HPGDS: variants seen among roughly 807,000 people sequenced by gnomAD.
HPGDS encodes the protein hematopoietic prostaglandin D synthase, also known as GST class-sigma.
Under a neutral mutation model 23.1 loss-of-function variants are expected in HPGDS, and 26 were observed. The ratio of observed to expected loss-of-function variants is 1.13; its 90% CI spans 0.83 to 1.56. HPGDS has a LOEUF of 1.56. Ranked by LOEUF, HPGDS falls within the 40% of genes most tolerant of loss-of-function variation. The pLI, the probability that HPGDS is intolerant of heterozygous loss-of-function variation, is 0.00. For synonymous variants in HPGDS, 95 were observed against 77.9 expected, an observed-to-expected ratio of 1.22 and a Z score of -1.16; for missense variants, 268 against 236.4, an observed-to-expected ratio of 1.13 and a Z score of -0.88.
chr4:94,332,901 A>T (rs1204780554), intron 2 of HPGDS, among the ~76,000 whole-genome samples: 1 of 152,214 alleles, frequency 6.6e-6, no homozygotes, highest in Non-Finnish European at 1.5e-5. Context: ...ATTGTGTGCT[A>T]TCATATCTAC....
Position 94,334,499 on chromosome 4 carries a change from G to C in HPGDS, c.131C>G (p.Ser44Ter), listed in dbSNP as rs745521201. 6.3e-7 allele frequency: 1 copy of C among 1,589,348 alleles called. No homozygotes were observed. Among genetic ancestry groups the C allele is most frequent in the Admixed American group, 1.8e-5 (1 of 55,534 alleles). ...CATTTATTATTTTTGCTACTTACTT[G>C]ATTTGATTTCAGGCCAGTCAGCTTG... ...IEQADWPEIK[S>*]TLPFGKIPIL... Residue 44 changes from serine to a stop codon, truncating the protein, a stop_gained and splice_region_variant, in exon 2 of 6, where the codon TCA becomes TGA. Transcript: ENST00000295256. LOFTEE classifies it high-confidence loss of function.
intron 2 of HPGDS, among the ~76,000 whole-genome samples, chr4:94,320,421 CTGT>C (rs1433409208): frequency 6.6e-6 from 1 of 152,134 alleles, no homozygotes; most frequent in Non-Finnish European, 1.5e-5. Flanking sequence ...TCTCCAGCAC[CTGT>C]TGTTTCCTGA....
intron 2 of HPGDS, among the ~76,000 whole-genome samples, chr4:94,333,344 C>T (rs1177981549): frequency 4.6e-5 from 7 of 152,180 alleles, no homozygotes; most frequent in African/African-American, 4.8e-5. Flanking sequence ...TACCAAGTGA[C>T]GTATGCAACT....
intron 1 of HPGDS, among the ~76,000 whole-genome samples, chr4:94,341,869 T>C (rs1207121525): frequency 6.6e-6 from 1 of 152,186 alleles, no homozygotes; most frequent in Non-Finnish European, 1.5e-5. Context: ...ACAGCAATCA[T>C]GTGAGATACT....
intron 3 of HPGDS, among the ~76,000 whole-genome samples, chr4:94,313,938 G>C (rs1756336724): frequency 6.6e-6 from 1 of 152,094 alleles, no homozygotes; most frequent in African/African-American, 2.4e-5. Context: ...ACCAGCTACT[G>C]AAGCTTGTGC....
chr4:94,334,534 G>T lies in HPGDS; in HGVS notation c.96C>A (p.His32Gln), dbSNP rs776767091. The change falls in exon 2 of 6, where the codon CAC becomes CAA. Residue 32 changes from histidine to glutamine, a missense_variant. Physicochemically the swap from His to Gln is conservative, Grantham distance 24. Coordinates refer to ENST00000295256, the MANE Select transcript of HPGDS (RefSeq NM_014485.3). Reference sequence around the variant, plus strand: ...CAGGCCAGTCAGCTTGTTCTATTCTGTGGTCTTCATACTGTATGTCCAAAT... The same window carrying T: ...CAGGCCAGTCAGCTTGTTCTATTCTTTGGTCTTCATACTGTATGTCCAAAT... Reference protein sequence around the residue: ...FAYLDIQYEDHRIEQADWPEI... With the variant: ...FAYLDIQYEDQRIEQADWPEI... The T allele has an allele frequency of 1.8e-5, 29 of 1,611,188 alleles. No homozygotes were observed. Among genetic ancestry groups the T allele is most frequent in the Non-Finnish European group, 9.3e-6 (11 of 1,178,868 alleles).
In HPGDS at chr4:94,302,044, C is replaced by G. The variant is rs553129624; in HGVS notation, c.435+102G>C. 6.6e-6 allele frequency: 4 copies of G among 609,194 alleles called. No individual in the cohort carries two copies. The Admixed American group carries it at 1.1e-4, about 16-fold the overall frequency. The allele number at this position is 609,194 out of a possible 1,614,324, so 37.7% of individuals were successfully genotyped here. ...TTAACCTTTGTTCTTGCTGTAAATT[C>G]TATCCCCTCCCTATAGGTAACTTTT... is the stretch of plus-strand genomic sequence containing the variant. On this transcript the variant is annotated intron_variant, in intron 5 of 5. Coordinates refer to ENST00000295256, the MANE Select transcript of HPGDS (RefSeq NM_014485.3).
chr4:94,313,967 G>T (rs192709929), intron 3 of HPGDS, among the ~76,000 whole-genome samples: 2,681 of 152,112 alleles, frequency 0.018, 82 homozygotes, highest in African/African-American at 0.062. Flanking sequence ...TGTAGTTCTC[G>T]TGCCATGGTT....
intron 1 of HPGDS, among the ~76,000 whole-genome samples, chr4:94,335,491 T>C (rs1720984466): frequency 6.6e-6 from 1 of 152,220 alleles, no homozygotes; most frequent in Non-Finnish European, 1.5e-5. Flanking sequence ...ATCAAACAAC[T>C]GAGAAAGAAA....
chr4:94,306,941 C>G (rs1756150806), intron 4 of HPGDS, among the ~76,000 whole-genome samples: 1 of 151,886 alleles, frequency 6.6e-6, no homozygotes. Flanking sequence ...ACGGAATCAC[C>G]AAGGAAACAG....
intron 4 of HPGDS, among the ~76,000 whole-genome samples, chr4:94,303,083 T>C (rs1756075203): frequency 6.6e-6 from 1 of 152,170 alleles, no homozygotes; most frequent in African/African-American, 2.4e-5. Flanking sequence ...TGATCTATAA[T>C]GAAATCCAAC....
chr4:94,309,591 C>G (rs545219616), intron 3 of HPGDS, among the ~76,000 whole-genome samples: 3 of 152,020 alleles, frequency 2.0e-5, no homozygotes, highest in Non-Finnish European at 4.4e-5. Context: ...AATAAACATA[C>G]GTGTGCATGT....
At chr4:94,323,970 C>T (rs1298132647) in intron 2 of HPGDS, among the ~76,000 whole-genome samples, 1 of 152,186 alleles carries the variant, frequency 6.6e-6, no homozygotes, top group African/African-American at 2.4e-5. Context: ...GACAAAATCT[C>T]TCAGCATTTG....
chr4:94,312,232 G>A (rs914078903), intron 3 of HPGDS, among the ~76,000 whole-genome samples: 2 of 152,136 alleles, frequency 1.3e-5, no homozygotes, highest in African/African-American at 4.8e-5. Flanking sequence ...TGTGATGTTA[G>A]GGTGTCGATT....
rs552442258 is a variant in HPGDS at position 94,311,020 on chromosome 4, C to T, written c.227-2277G>A. The stretch of plus-strand genomic sequence containing the variant: ...AGACTTTGCTGAAGTTGCTTATCAG[C>T]TTAAGGAGATTTTTGGCTGAGATGA... On this transcript the variant is annotated intron_variant, in intron 3 of 5. Coordinates refer to ENST00000295256, the MANE Select transcript of HPGDS (RefSeq NM_014485.3). Among the ~76,000 whole-genome samples the T allele has an allele frequency of 3.3e-5, 5 of 152,294 alleles. No homozygotes were observed. The South Asian group carries it at 1.0e-3, about 32-fold the overall frequency.
chr4:94,328,758 T>C (rs145239939), intron 2 of HPGDS, among the ~76,000 whole-genome samples: 1 of 152,324 alleles, frequency 6.6e-6, no homozygotes, highest in African/African-American at 2.4e-5. Context: ...TACTTTGCCA[T>C]GTGTATTGAC....
Position 94,321,981 on chromosome 4 carries a change from T to G in HPGDS, c.134-4016A>C, listed in dbSNP as rs1414251310. On this transcript the variant is annotated intron_variant, in intron 2 of 5. Transcript: ENST00000295256. ...GAGAGTTTTTAGCATGAAGGGCTGT[T>G]GAATTTTGTTGAAGGCCTTTTCTGC... is the stretch of plus-strand genomic sequence containing the variant. Among the ~76,000 whole-genome samples the G allele has an allele frequency of 3.3e-5, 5 of 152,214 alleles. No homozygotes were observed. In the East Asian group the frequency reaches 9.6e-4, roughly 29 times the overall value.
At chr4:94,301,585 A>C (rs1193631111) in intron 5 of HPGDS, among the ~76,000 whole-genome samples, 1 of 152,142 alleles carries the variant, frequency 6.6e-6, no homozygotes, top group Non-Finnish European at 1.5e-5. Flanking sequence ...GACCTTACTC[A>C]CCTTACATCT....
intron 3 of HPGDS, among the ~76,000 whole-genome samples, chr4:94,315,416 T>G (rs1756376473): frequency 6.6e-6 from 1 of 152,218 alleles, no homozygotes; most frequent in Non-Finnish European, 1.5e-5. Flanking sequence ...TTATTTTTAT[T>G]TTTGCAGACA....
Sources: gnomAD v4.1 joint callset for allele counts (sites outside exome capture counted in the v4.1 genomes callset) on GRCh38, gnomAD v4.1.1 for gene constraint, MANE v1.5 for transcripts, NCBI Gene and HGNC (gene_info 2026-07-23, HGNC 2026-07-21) for gene names.